STK39: variants seen among roughly 807,000 people sequenced by gnomAD.
The protein encoded by STK39 is serine/threonine kinase 39.
STK39 carries 20 observed loss-of-function variants against 77.8 expected under a neutral mutation model. The observed-to-expected ratio is 0.26, with a 90% CI of 0.18 to 0.37. The LOEUF (loss-of-function observed/expected upper bound fraction) is 0.37. Among genes scored for constraint, STK39 ranks in the 10% least tolerant of loss-of-function variants. STK39 has a pLI of 1.00. For missense variants in STK39, 479 were observed against 656.5 expected (o/e 0.73, Z 2.95); for synonymous variants, 246 against 234.1 (o/e 1.05, Z -0.47).
intron 1 of STK39, among the ~76,000 whole-genome samples, chr2:168,193,414 T>C (rs1408552566): frequency 6.6e-6 from 1 of 152,102 alleles, no homozygotes; most frequent in Non-Finnish European, 1.5e-5. Flanking sequence ...GGAACACAAA[T>C]GTCCAGTGCA....
At chr2:168,104,109 A>C (rs1686907342) in intron 10 of STK39, among the ~76,000 whole-genome samples, 1 of 152,194 alleles carries the variant, frequency 6.6e-6, no homozygotes, top group Non-Finnish European at 1.5e-5. Flanking sequence ...AAAACTGTGC[A>C]CACCTATCTG....
intron 1 of STK39, among the ~76,000 whole-genome samples, chr2:168,183,729 C>T (rs1337878179): frequency 6.6e-6 from 1 of 152,218 alleles, no homozygotes; most frequent in Non-Finnish European, 1.5e-5. Context: ...CCTAATCTCA[C>T]TGCTCATCCA....
chr2:167,964,612 G>T, intron 17 of STK39, 50 bp downstream of exon 17: 1 of 1,463,038 alleles, frequency 6.8e-7, no homozygotes, highest in Non-Finnish European at 9.5e-7. Flanking sequence ...TTCCCTGCTG[G>T]CACAGCATGG....
intron 16 of STK39, among the ~76,000 whole-genome samples, chr2:167,987,799 T>G (rs1683598875): frequency 1.3e-5 from 2 of 152,230 alleles, no homozygotes; most frequent in Non-Finnish European, 2.9e-5. Context: ...GTCCCTGAGT[T>G]GACAGTTCCT....
At chr2:168,066,048 A>T (rs1210525171) in intron 12 of STK39, among the ~76,000 whole-genome samples, 1 of 152,144 alleles carries the variant, frequency 6.6e-6, no homozygotes, top group Non-Finnish European at 1.5e-5. Context: ...AACAAAAAAA[A>T]CCTCAAAGAG....
At chr2:168,143,646 G>C (rs554025387) in intron 5 of STK39, among the ~76,000 whole-genome samples, 2 of 152,194 alleles carry the variant, frequency 1.3e-5, no homozygotes, top group African/African-American at 4.8e-5. Context: ...CCCAGGAGGC[G>C]GAGGTTGCAG....
At chr2:168,233,850 TATG>T (rs764854748) in intron 1 of STK39, among the ~76,000 whole-genome samples, 1 of 152,224 alleles carries the variant, frequency 6.6e-6, no homozygotes, top group African/African-American at 2.4e-5. Context: ...TATGACACAT[TATG>T]ATATTTCTGA....
intron 8 of STK39, among the ~76,000 whole-genome samples, chr2:168,136,389 G>C (rs1474514366): frequency 7.0e-6 from 1 of 142,322 alleles, no homozygotes; most frequent in East Asian, 2.0e-4. Context: ...AAAAAGAAAA[G>C]AAATAAAAAG....
intron 14 of STK39, among the ~76,000 whole-genome samples, chr2:168,058,010 T>C (rs74867859): frequency 0.01 from 1,545 of 152,304 alleles, 33 homozygotes; most frequent in African/African-American, 0.035. Context: ...CCTGTAAACA[T>C]GCTTTTTTTA....
intron 10 of STK39, among the ~76,000 whole-genome samples, chr2:168,089,339 G>A (rs148312474): frequency 6.6e-6 from 1 of 152,094 alleles, no homozygotes; most frequent in African/African-American, 2.4e-5. Flanking sequence ...CAAAACAGAA[G>A]TATCTAAAAA....
chr2:168,131,806 G>C (rs140777591), intron 8 of STK39, among the ~76,000 whole-genome samples: 1 of 152,290 alleles, frequency 6.6e-6, no homozygotes, highest in African/African-American at 2.4e-5. Context: ...TTCAACTTTA[G>C]TTGTTATTTT....
chr2:168,142,470 T>C (rs1490772426), intron 5 of STK39, among the ~76,000 whole-genome samples: 1 of 152,166 alleles, frequency 6.6e-6, no homozygotes, highest in Non-Finnish European at 1.5e-5. Flanking sequence ...AAAAATTGAT[T>C]ATTTTAAATG....
intron 10 of STK39, among the ~76,000 whole-genome samples, chr2:168,082,133 CT>C (rs1447160271): frequency 6.6e-6 from 1 of 152,160 alleles, no homozygotes; most frequent in Non-Finnish European, 1.5e-5. Context: ...AGACCAATGC[CT>C]CTGGGAGCAC....
chr2:168,136,788 G>A (rs1349236917), intron 8 of STK39, among the ~76,000 whole-genome samples: 1 of 152,196 alleles, frequency 6.6e-6, no homozygotes, highest in African/African-American at 2.4e-5. Context: ...CACCCAAATG[G>A]AGGTTGAAGA....
At chr2:168,169,900 C>T (rs1302304301) in intron 2 of STK39, among the ~76,000 whole-genome samples, 1 of 152,138 alleles carries the variant, frequency 6.6e-6, no homozygotes, top group African/African-American at 2.4e-5. Context: ...CACTCAACCT[C>T]ACATTCTTCT....
Position 168,046,649 on chromosome 2 carries a change from C to T in STK39, c.1376+16851G>A, listed in dbSNP as rs548142553. On this transcript the variant is annotated intron_variant, in intron 14 of 17. Coordinates refer to ENST00000355999, the MANE Select transcript of STK39 (RefSeq NM_013233.3). Reference sequence around the variant, plus strand: ...CAAGGGTCACTACTGAAGAGCTGGCCTTTGGACACTGGCCTCAGAGGACAC... The same window carrying T: ...CAAGGGTCACTACTGAAGAGCTGGCTTTTGGACACTGGCCTCAGAGGACAC... Among the ~76,000 whole-genome samples the T allele has an allele frequency of 3.3e-4, 51 of 152,324 alleles. 1 individual carries two copies. The South Asian group carries it at 0.01, about 31-fold the overall frequency.
intron 14 of STK39, among the ~76,000 whole-genome samples, chr2:168,039,669 G>A (rs2105350268): frequency 6.6e-6 from 1 of 151,946 alleles, no homozygotes; most frequent in Non-Finnish European, 1.5e-5. Flanking sequence ...GGAATGGATT[G>A]CAAAAGGGAC....
At chr2:168,132,507 G>A (rs573900447) in intron 8 of STK39, among the ~76,000 whole-genome samples, 72 of 152,120 alleles carry the variant, frequency 4.7e-4, no homozygotes, top group African/African-American at 1.7e-3. Flanking sequence ...CCCCACACCC[G>A]CCGGAGATGC....
At chr2:168,191,648 T>C (rs1337784201) in intron 1 of STK39, among the ~76,000 whole-genome samples, 1 of 152,218 alleles carries the variant, frequency 6.6e-6, no homozygotes, top group Non-Finnish European at 1.5e-5. Flanking sequence ...AATTCACCCA[T>C]ATCCTTAGAT....
Sources: gnomAD v4.1 joint callset for allele counts (sites outside exome capture counted in the v4.1 genomes callset) on GRCh38, gnomAD v4.1.1 for gene constraint, MANE v1.5 for transcripts, NCBI Gene and HGNC (gene_info 2026-07-23, HGNC 2026-07-21) for gene names.